PRKG1: variants seen among roughly 807,000 people sequenced by gnomAD.
PRKG1 encodes the protein cGMP-dependent protein kinase 1.
In PRKG1, 35 loss-of-function variants were observed where a neutral mutation model predicts 88.1. The observed-to-expected ratio is 0.40, with a 90% CI of 0.30 to 0.53. The LOEUF (loss-of-function observed/expected upper bound fraction) is 0.53, where lower values mean the gene tolerates loss of function less well. Ranked by LOEUF, PRKG1 falls within the 20% of genes least tolerant of loss-of-function variation. PRKG1 has a pLI of 0.59. For missense variants in PRKG1, 540 were observed against 839.8 expected, an observed-to-expected ratio of 0.64 and a Z score of 4.41; for synonymous variants, 303 against 292.5, an observed-to-expected ratio of 1.04 and a Z score of -0.37.
intron 1 of PRKG1, among the ~76,000 whole-genome samples, chr10:51,117,930 T>C (rs937914050): frequency 6.6e-6 from 1 of 152,220 alleles, no homozygotes. Flanking sequence ...TCTTAACAAC[T>C]GCTCTAACTT....
intron 5 of PRKG1, among the ~76,000 whole-genome samples, chr10:51,934,254 A>AC (rs58734959): frequency 0.32 from 45,176 of 142,972 alleles, 7,277 homozygotes; most frequent in Non-Finnish European, 0.39. Flanking sequence ...ACACACACAT[A>AC]CCCCCCCCCC....
chr10:51,539,048 G>A (rs570287753), intron 3 of PRKG1, among the ~76,000 whole-genome samples: 4 of 152,116 alleles, frequency 2.6e-5, no homozygotes, highest in Non-Finnish European at 4.4e-5. Context: ...AATTGATTTG[G>A]TGTTATGTAA....
intron 2 of PRKG1, among the ~76,000 whole-genome samples, chr10:51,368,493 T>C (rs1842634911): frequency 6.6e-6 from 1 of 152,106 alleles, no homozygotes; most frequent in East Asian, 1.9e-4. Flanking sequence ...CTTGTTCTTC[T>C]AGCATCTATA....
At position 51,076,802 on chromosome 10, in the gene PRKG1, CCATTATAATAACATTTTATCTAT is replaced by C. The variant is rs1447017415; in HGVS notation, c.311+1927_311+1949del. Among the ~76,000 whole-genome samples the C allele has an allele frequency of 2.8e-4, 42 of 152,250 alleles. 1 individual carries two copies. Among genetic ancestry groups the C allele is most frequent in the Admixed American group, 2.0e-3 (31 of 15,294 alleles). On this transcript the variant is annotated intron_variant, in intron 1 of 17. Transcript: ENST00000373980. Reference sequence around the variant, plus strand: ...GGTGTGGCAAATAATTTACAGCATCCCATTATAATAACATTTTATCTATCATTATAATAACATTTTATCTATCA... The same window carrying C: ...GGTGTGGCAAATAATTTACAGCATCCCATTATAATAACATTTTATCTATCA...
intron 2 of PRKG1, among the ~76,000 whole-genome samples, chr10:51,238,831 G>A (rs887557347): frequency 1.3e-5 from 2 of 151,448 alleles, no homozygotes; most frequent in African/African-American, 4.8e-5. Flanking sequence ...ATAAAGAGCT[G>A]CTGTGAAAAT....
intron 3 of PRKG1, among the ~76,000 whole-genome samples, chr10:51,552,589 A>T (rs1407629127): frequency 6.6e-6 from 1 of 151,594 alleles, no homozygotes; most frequent in Non-Finnish European, 1.5e-5. Context: ...ATGTCCTGAA[A>T]ATTGCTTTAT....
At chr10:51,364,181 T>A (rs1052495566) in intron 2 of PRKG1, among the ~76,000 whole-genome samples, 1 of 152,090 alleles carries the variant, frequency 6.6e-6, no homozygotes, top group Admixed American at 6.6e-5. Flanking sequence ...GGTTTCTCTA[T>A]ATTTTAGTCC....
At chr10:51,973,401 G>T (rs140542812) in intron 5 of PRKG1, among the ~76,000 whole-genome samples, 1 of 152,032 alleles carries the variant, frequency 6.6e-6, no homozygotes, top group South Asian at 2.1e-4. Flanking sequence ...AGACTCAAAT[G>T]CCTGACACAT....
At chr10:51,316,146 A>G (rs1270737179) in intron 2 of PRKG1, among the ~76,000 whole-genome samples, 1 of 152,216 alleles carries the variant, frequency 6.6e-6, no homozygotes, top group Non-Finnish European at 1.5e-5. Flanking sequence ...AATGGGCACA[A>G]GAAAATCTAA....
chr10:52,225,200 A>C (rs184490332), intron 9 of PRKG1, among the ~76,000 whole-genome samples: 3 of 152,002 alleles, frequency 2.0e-5, no homozygotes, highest in Non-Finnish European at 1.5e-5. Flanking sequence ...GTGGTATTGC[A>C]TTGTGGTTTT....
chr10:52,056,961 T>C (rs1412276511), intron 6 of PRKG1, among the ~76,000 whole-genome samples: 5 of 152,024 alleles, frequency 3.3e-5, no homozygotes, highest in African/African-American at 1.2e-4. Context: ...GTAGGCTCAG[T>C]TGAGCAGGCA....
At chr10:51,651,482 C>T (rs7895839) in intron 3 of PRKG1, among the ~76,000 whole-genome samples, 186 of 151,866 alleles carry the variant, frequency 1.2e-3, no homozygotes, top group African/African-American at 4.2e-3. Context: ...TTTCTTCTTA[C>T]TACTCCCCTA....
upstream of PRKG1, among the ~76,000 whole-genome samples, chr10:51,072,998 G>C (rs1401237859): frequency 6.6e-6 from 1 of 152,152 alleles, no homozygotes; most frequent in Admixed American, 6.5e-5. Flanking sequence ...TAACCAAATA[G>C]AGCATTGAGG....
chr10:51,784,193 T>A (rs1373625868), intron 3 of PRKG1, among the ~76,000 whole-genome samples: 1 of 151,868 alleles, frequency 6.6e-6, no homozygotes, highest in Non-Finnish European at 1.5e-5. Context: ...CCCTGCAGAG[T>A]CTCTTAGTTG....
At chr10:51,372,399 A>ATTCTAATTACT (rs1842723496) in intron 2 of PRKG1, among the ~76,000 whole-genome samples, 1 of 152,162 alleles carries the variant, frequency 6.6e-6, no homozygotes, top group Non-Finnish European at 1.5e-5. Context: ...TCACTTTACT[A>ATTCTAATTACT]ATTCTAATAG....
chr10:51,930,182 T>C (rs1412562455), intron 5 of PRKG1, among the ~76,000 whole-genome samples: 1 of 152,152 alleles, frequency 6.6e-6, no homozygotes, highest in East Asian at 1.9e-4. Context: ...GCATTTAGAA[T>C]AGTTAAAATT....
intron 9 of PRKG1, among the ~76,000 whole-genome samples, chr10:52,173,221 C>A (rs549029651): frequency 4.1e-4 from 62 of 152,174 alleles, no homozygotes; most frequent in South Asian, 1.2e-3. Flanking sequence ...TTGCTTTATT[C>A]AAAAATTTTT....
chr10:51,314,620 T>C (rs1396156803), intron 2 of PRKG1, among the ~76,000 whole-genome samples: 1 of 152,230 alleles, frequency 6.6e-6, no homozygotes, highest in Non-Finnish European at 1.5e-5. Flanking sequence ...CTTCTAAGTA[T>C]ATTGCTTAGG....
At chr10:52,151,071 G>A (rs1837900387) in intron 8 of PRKG1, among the ~76,000 whole-genome samples, 1 of 152,076 alleles carries the variant, frequency 6.6e-6, no homozygotes, top group Non-Finnish European at 1.5e-5. Context: ...AAGTAGAGGA[G>A]CCTGAAATTT....
Sources: allele counts gnomAD v4.1 joint callset (sites outside exome capture counted in the v4.1 genomes callset), GRCh38; gene constraint gnomAD v4.1.1; transcripts MANE v1.5; gene names NCBI Gene and HGNC (gene_info 2026-07-23, HGNC 2026-07-21).